The following ZFYVE26 variants were observed in gnomAD, a reference collection of about 807,000 sequenced individuals.
The protein encoded by ZFYVE26 is zinc finger FYVE domain-containing protein 26.
ZFYVE26 carries 181 observed loss-of-function variants against 276.5 expected under a neutral mutation model. That is an observed-to-expected ratio of 0.65 (90% CI 0.58 to 0.74). The LOEUF is 0.74. ZFYVE26 is among the 30% of genes least tolerant of loss of function. ZFYVE26 has a pLI of 0.00. For missense variants in ZFYVE26, 2,821 were observed against 3,097.9 expected (o/e 0.91, Z 2.12); for synonymous variants, 1,129 against 1,203.1 (o/e 0.94, Z 1.27).
intron 40 of ZFYVE26, 146 bp from the exon 41 acceptor site, chr14:67,751,242 A>C (rs1253713245): frequency 1.3e-5 from 11 of 820,106 alleles, no homozygotes; most frequent in East Asian, 2.6e-5. Context: ...ATGGGGTCTC[A>C]CTATGTTGCC....
chr14:67,770,864 G>T (rs996876523), intron 28 of ZFYVE26, among the ~76,000 whole-genome samples: 1 of 152,136 alleles, frequency 6.6e-6, no homozygotes, highest in Non-Finnish European at 1.5e-5. Flanking sequence ...CCTTTTGGTG[G>T]CTTGTCATAT....
intron 12 of ZFYVE26, among the ~76,000 whole-genome samples, chr14:67,795,936 CTA>C (rs1491517141): frequency 1.3e-5 from 2 of 152,012 alleles, no homozygotes; most frequent in Admixed American, 1.3e-4. Context: ...CAATCTCAAA[CTA>C]AAAAAAATAC....
chr14:67,792,572 T>C (rs2039841576), intron 14 of ZFYVE26, among the ~76,000 whole-genome samples: 1 of 152,176 alleles, frequency 6.6e-6, no homozygotes, highest in African/African-American at 2.4e-5. Flanking sequence ...ACAAATATTC[T>C]AGTCTGCTAG....
chr14:67,765,889 C>G (rs1326076886), intron 32 of ZFYVE26, among the ~76,000 whole-genome samples: 2 of 152,124 alleles, frequency 1.3e-5, no homozygotes, highest in Non-Finnish European at 2.9e-5. Context: ...TCTTTAAAAG[C>G]CAGAAAGTCC....
At position 67,789,338 on chromosome 14, in the gene ZFYVE26, G is replaced by A. The variant is rs748367345; in HGVS notation, c.3016C>T (p.Arg1006Trp). ...ACAGCTAACACAGCACACTCACCCC[G>A]CCTTTCAAGGCTACTATTCAAACGC... is the stretch of plus-strand genomic sequence containing the variant. ...ERRLNSSLER[R>W]GRRIDHVLLN... Residue 1006 changes from arginine to tryptophan, a missense_variant, in exon 16 of 42, where the codon CGG becomes TGG. Coordinates refer to ENST00000347230, the MANE Select transcript of ZFYVE26 (RefSeq NM_015346.4). The A allele has an allele frequency of 2.0e-5, 32 of 1,613,986 alleles. No individual in the cohort carries two copies. The highest frequency in any genetic ancestry group is 6.7e-5 in the Admixed American group (4 of 59,990).
intron 2 of ZFYVE26, 145 bp downstream of exon 2, chr14:67,815,625 G>C (rs1013776710): frequency 1.2e-6 from 1 of 810,440 alleles, no homozygotes; most frequent in East Asian, 2.5e-5. Context: ...TACTATAGAG[G>C]TAAAATTTCA....
intron 13 of ZFYVE26, among the ~76,000 whole-genome samples, chr14:67,730,965 C>T (rs950500697): frequency 1.3e-5 from 2 of 152,028 alleles, no homozygotes; most frequent in Non-Finnish European, 2.9e-5. Flanking sequence ...TAAGTTATCT[C>T]ATTTTATATT....
chr14:67,734,150 C>T (rs112134271), intron 13 of ZFYVE26: 4 of 326,408 alleles, frequency 1.2e-5, no homozygotes, highest in Admixed American at 4.0e-5. Context: ...CAGAAGAGCC[C>T]GAGAAATTGG....
intron 13 of ZFYVE26, chr14:67,733,646 G>T (rs2038314511): frequency 2.6e-6 from 2 of 779,018 alleles, no homozygotes; most frequent in African/African-American, 1.7e-5. Context: ...GGCATATATT[G>T]TATTTTATTC....
In ZFYVE26 at chr14:67,750,962, C is replaced by T. The variant is rs367689050; in HGVS notation, c.7416+90G>A. ...AAGCTGAGATACGGGTTGTATGGAA[C>T]TATTGTGGGGAGCAAGGGATAAAGG... On this transcript the variant is annotated intron_variant, in intron 41 of 41. Transcript: ENST00000347230. 42 of 1,497,284 alleles carry T rather than the reference C, an allele frequency of 2.8e-5. No homozygotes were observed. The South Asian group carries it at 4.5e-4, about 16-fold the overall frequency. 92.7% of individuals were successfully genotyped at this position (1,497,284 alleles called of 1,614,324 possible).
Position 67,755,008 on chromosome 14 carries a change from C to T in ZFYVE26, c.6986+43G>A, listed in dbSNP as rs372165180. 6 of 1,608,048 alleles carry T rather than the reference C, an allele frequency of 3.7e-6. No individual in the cohort carries two copies. The African/African-American group carries it at 5.3e-5, about 14-fold the overall frequency. On this transcript the variant is annotated intron_variant, in intron 37 of 41. Transcript: ENST00000347230. ...CATCACCTACAGACAACTGCTCCCA[C>T]CCTTTCTGCCCCACACCAATAGTCC...
intron 21 of ZFYVE26, among the ~76,000 whole-genome samples, chr14:67,781,889 G>A (rs892381764): frequency 2.6e-5 from 4 of 152,180 alleles, no homozygotes; most frequent in African/African-American, 9.7e-5. Context: ...CCTTGTCAGT[G>A]AAACTTTCCT....
chr14:67,731,335 C>G (rs1013394415), intron 13 of ZFYVE26, among the ~76,000 whole-genome samples: 2 of 151,268 alleles, frequency 1.3e-5, no homozygotes, highest in Non-Finnish European at 2.9e-5. Context: ...CTGCCTCAGC[C>G]TCCCGAGTAG....
rs779664133 is a variant in ZFYVE26 at position 67,802,242 on chromosome 14, A to T, written c.1476T>A (p.Cys492Ter). 1 of 1,614,202 alleles carries T rather than the reference A, an allele frequency of 6.2e-7. No homozygotes were observed. Residue 492 changes from cysteine to a stop codon, truncating the protein, a stop_gained, in exon 10 of 42, where the codon TGT becomes TGA. Coordinates refer to ENST00000347230, the MANE Select transcript of ZFYVE26 (RefSeq NM_015346.4). LOFTEE classifies it high-confidence loss of function. ...AGCCCTGGTAGAGTGTCAGGTTCTG[A>T]CACTGGCTCAGGTGCTCAGGGACTG... is the stretch of plus-strand genomic sequence containing the variant. ...DAPVPEHLSQCQNLTLYQGFC... is the reference protein window; with the variant it reads ...DAPVPEHLSQ
At chr14:67,812,566 A>G (rs2040325709) in intron 3 of ZFYVE26, among the ~76,000 whole-genome samples, 1 of 152,204 alleles carries the variant, frequency 6.6e-6, no homozygotes, top group African/African-American at 2.4e-5. Flanking sequence ...TTAAAATTCT[A>G]TGAGGAACTA....
At chr14:67,795,249 AC>A (rs1301292288) in intron 12 of ZFYVE26, among the ~76,000 whole-genome samples, 1 of 152,126 alleles carries the variant, frequency 6.6e-6, no homozygotes, top group African/African-American at 2.4e-5. Flanking sequence ...CTGCCTTCTG[AC>A]CCAAAACAAT....
intron 6 of ZFYVE26, 40 bp downstream of exon 6, chr14:67,806,505 C>A (rs1421394564): frequency 6.8e-6 from 11 of 1,612,972 alleles, no homozygotes; most frequent in South Asian, 6.6e-5. Context: ...TGGGGAGAAT[C>A]CCTGGGTACC....
chr14:67,768,479 A>G, intron 30 of ZFYVE26, 38 bp downstream of exon 30: 1 of 1,610,328 alleles, frequency 6.2e-7, no homozygotes, highest in Admixed American at 1.7e-5. Flanking sequence ...ACTTAAGTAC[A>G]CAAATGAAGA....
intron 10 of ZFYVE26, among the ~76,000 whole-genome samples, chr14:67,801,393 C>T (rs1311014121): frequency 6.6e-6 from 1 of 152,192 alleles, no homozygotes; most frequent in Non-Finnish European, 1.5e-5. Context: ...AGACCCTTTA[C>T]TCCTCAATTC....
Sources: allele counts gnomAD v4.1 joint callset (sites outside exome capture counted in the v4.1 genomes callset), GRCh38; gene constraint gnomAD v4.1.1; transcripts MANE v1.5; gene names NCBI Gene and HGNC (gene_info 2026-07-23, HGNC 2026-07-21).